Variants in GAS7 observed in about 807,000 individuals in gnomAD.
The protein encoded by GAS7 is growth arrest-specific protein 7.
In GAS7, 28 loss-of-function variants were observed where a neutral mutation model predicts 71.1. That is an observed-to-expected ratio of 0.39 (90% CI 0.29 to 0.54). The LOEUF (loss-of-function observed/expected upper bound fraction) is 0.54. GAS7 is among the 20% of genes least tolerant of loss of function. The probability of loss-of-function intolerance (pLI) is 0.62; values close to 1 mark genes in which losing one functional copy is unlikely to be tolerated. For missense variants in GAS7, 436 were observed against 627.8 expected (o/e 0.69, Z 3.27); for synonymous variants, 258 against 245.8 (o/e 1.05, Z -0.46).
Position 10,161,438 on chromosome 17 carries a change from G to C in GAS7, c.183+36770C>G, listed in dbSNP as rs151150854. Among the ~76,000 whole-genome samples, 46 of 152,314 alleles carry C rather than the reference G, an allele frequency of 3.0e-4. 1 individual carries two copies. Among genetic ancestry groups the C allele is most frequent in the East Asian group, 2.7e-3 (14 of 5,172 alleles). On this transcript the variant is annotated intron_variant, in intron 1 of 13. Transcript: ENST00000432992. Reference sequence around the variant, plus strand: ...TTCCCCAAAGAAAAATGGAAGTGTCGTTACCAGAAGAAGGAGAATCAGAGA... The same window carrying C: ...TTCCCCAAAGAAAAATGGAAGTGTCCTTACCAGAAGAAGGAGAATCAGAGA...
chr17:10,055,916 C>G (rs1257824356), intron 1 of GAS7, among the ~76,000 whole-genome samples: 1 of 152,098 alleles, frequency 6.6e-6, no homozygotes, highest in Non-Finnish European at 1.5e-5. Context: ...CTTTTTTTAA[C>G]TCCATCTCAA....
chr17:10,070,264 T>A lies in GAS7; in HGVS notation c.184-50367A>T, dbSNP rs1431272974. ...TTCGCCAACTTTTGTGGCCACTAAG[T>A]CCTGGGAATCATCCAGCCACCAGCC... On this transcript the variant is annotated intron_variant, in intron 1 of 13. Coordinates refer to ENST00000432992, the MANE Select transcript of GAS7 (RefSeq NM_201433.2). 9.9e-5 allele frequency among the ~76,000 whole-genome samples: 15 copies of A among 150,920 alleles called. No homozygotes were observed. In the East Asian group the frequency reaches 2.9e-3, roughly 30 times the overall value.
intron 3 of GAS7, among the ~76,000 whole-genome samples, chr17:9,977,246 A>T (rs561238404): frequency 5.3e-5 from 8 of 152,348 alleles, no homozygotes; most frequent in Non-Finnish European, 8.8e-5. Flanking sequence ...TACCAGCCCC[A>T]TTCAAGTACT....
intron 5 of GAS7, among the ~76,000 whole-genome samples, chr17:9,947,510 C>T (rs1394290828): frequency 3.9e-5 from 6 of 152,026 alleles, no homozygotes; most frequent in South Asian, 2.1e-4. Context: ...TTTGGGAGGC[C>T]GAGGCAGGCG....
At chr17:10,091,289 T>C (rs2073578820) in intron 1 of GAS7, among the ~76,000 whole-genome samples, 1 of 151,992 alleles carries the variant, frequency 6.6e-6, no homozygotes, top group South Asian at 2.1e-4. Flanking sequence ...CCTTTGGGGA[T>C]GATGAAAATG....
Position 9,926,525 on chromosome 17 carries a change from T to C in GAS7, c.1014+116A>G. The C allele has an allele frequency of 1.8e-6, 2 of 1,123,128 alleles. No individual in the cohort carries two copies. The highest frequency in any genetic ancestry group is 1.9e-5 in the Admixed American group (1 of 53,708). 69.6% of individuals were successfully genotyped at this position (1,123,128 alleles called of 1,614,324 possible). On this transcript the variant is annotated intron_variant, in intron 10 of 13. Coordinates refer to ENST00000432992, the MANE Select transcript of GAS7 (RefSeq NM_201433.2). The surrounding 1 kb of genome is among the most constrained non-coding windows in gnomAD (Gnocchi z 5.0). ...AGGCTTGGACATCCCCCTATTCCCCTACCTGGGGACAAAGACTCAGCCTTG... is the reference window on the plus strand; with the variant it reads ...AGGCTTGGACATCCCCCTATTCCCCCACCTGGGGACAAAGACTCAGCCTTG...
chr17:10,025,333 A>G (rs1169185598), intron 1 of GAS7, among the ~76,000 whole-genome samples: 1 of 151,964 alleles, frequency 6.6e-6, no homozygotes, highest in East Asian at 1.9e-4. Context: ...CTCCCCAGCT[A>G]CACCTACTCA....
intron 1 of GAS7, among the ~76,000 whole-genome samples, chr17:10,084,935 CCTCAGG>C (rs1180694860): frequency 6.6e-6 from 1 of 152,156 alleles, no homozygotes; most frequent in East Asian, 1.9e-4. Flanking sequence ...CCGATGGCCC[CCTCAGG>C]ACACTTCGTG....
rs1555615509 is a variant in GAS7 at position 9,998,699 on chromosome 17, A to AAAGGAAAAGGG, written c.305-16816_305-16815insCCCTTTTCCTT. On this transcript the variant is annotated intron_variant, in intron 2 of 13. Coordinates refer to ENST00000432992, the MANE Select transcript of GAS7 (RefSeq NM_201433.2). The stretch of plus-strand genomic sequence containing the variant: ...AGACAGAAAAGGAAAAGGAAAAGGA[A>AAAGGAAAAGGG]AAGGGAAGGGAAGGGAAGGAAAAGA... Among the ~76,000 whole-genome samples the AAAGGAAAAGGG allele has an allele frequency of 7.9e-4, 120 of 152,120 alleles. 1 individual carries two copies. The highest frequency in any genetic ancestry group is 2.8e-3 in the African/African-American group (115 of 41,494).
chr17:10,180,334 A>G (rs1243192746), intron 1 of GAS7, among the ~76,000 whole-genome samples: 2 of 150,896 alleles, frequency 1.3e-5, no homozygotes, highest in African/African-American at 4.9e-5. Flanking sequence ...TCTGCCTCAA[A>G]AAAAAAAAAA....
At chr17:10,132,081 C>T (rs1010229928) in intron 1 of GAS7, among the ~76,000 whole-genome samples, 1 of 152,200 alleles carries the variant, frequency 6.6e-6, no homozygotes, top group African/African-American at 2.4e-5. Flanking sequence ...AATACATGTA[C>T]TCGTGAAGGT....
At chr17:10,073,522 G>A (rs2073362146) in intron 1 of GAS7, among the ~76,000 whole-genome samples, 1 of 152,168 alleles carries the variant, frequency 6.6e-6, no homozygotes, top group Non-Finnish European at 1.5e-5. Context: ...TATATAAGAC[G>A]TGGTCCATAG....
chr17:9,930,062 C>T (rs1006583760), intron 9 of GAS7, among the ~76,000 whole-genome samples: 7 of 152,160 alleles, frequency 4.6e-5, no homozygotes, highest in African/African-American at 9.7e-5. Context: ...ATTTTTCAGA[C>T]GGTGTGCGGC....
chr17:9,982,947 A>T (rs1435768365), intron 2 of GAS7, among the ~76,000 whole-genome samples: 1 of 152,224 alleles, frequency 6.6e-6, no homozygotes, highest in East Asian at 1.9e-4. Context: ...TACCCATTTC[A>T]CTGCCATGAG....
intron 1 of GAS7, among the ~76,000 whole-genome samples, chr17:10,155,321 TAA>T (rs199957023): frequency 0.015 from 1,934 of 126,132 alleles, 31 homozygotes; most frequent in African/African-American, 0.058. Context: ...CGGCCACCAA[TAA>T]CTCTTTTTAA....
At chr17:10,189,224 C>A (rs527412782) in intron 1 of GAS7, among the ~76,000 whole-genome samples, 3 of 151,630 alleles carry the variant, frequency 2.0e-5, no homozygotes, top group Non-Finnish European at 4.4e-5. Flanking sequence ...TTACTCCCTC[C>A]GATCAACACA....
In GAS7 at chr17:9,981,973, G is replaced by T; in HGVS notation, c.305-89C>A. ...AGAGCAGAAGGAGATGCTCAGAGCTGGAGAAAAAGAGAGACAGCCAATCGC... is the reference window on the plus strand; with the variant it reads ...AGAGCAGAAGGAGATGCTCAGAGCTTGAGAAAAAGAGAGACAGCCAATCGC... On this transcript the variant is annotated intron_variant, in intron 2 of 13. Coordinates refer to ENST00000432992, the MANE Select transcript of GAS7 (RefSeq NM_201433.2). The surrounding 1 kb of genome is among the most constrained non-coding windows in gnomAD (Gnocchi z 4.4). 1.3e-6 allele frequency: 1 copy of T among 777,742 alleles called. No individual in the cohort carries two copies. The highest frequency in any genetic ancestry group is 2.3e-6 in the Non-Finnish European group (1 of 438,832). The allele number at this position is 777,742 out of a possible 1,614,324, so 48.2% of individuals were successfully genotyped here.
chr17:9,965,464 G>A (rs4479284), intron 4 of GAS7, among the ~76,000 whole-genome samples: 117,754 of 151,906 alleles, frequency 0.78, 46,214 homozygotes, highest in African/African-American at 0.88. Context: ...ATGAACAATG[G>A]GACCATATGG....
chr17:9,987,369 G>A (rs1252071492), intron 2 of GAS7, among the ~76,000 whole-genome samples: 1 of 152,254 alleles, frequency 6.6e-6, no homozygotes, highest in Non-Finnish European at 1.5e-5. Context: ...GAGACCCAGA[G>A]AGCCATATAC....
Sources: allele counts gnomAD v4.1 joint callset (sites outside exome capture counted in the v4.1 genomes callset), GRCh38; gene constraint gnomAD v4.1.1; non-coding constraint Gnocchi (gnomAD v3.1); transcripts MANE v1.5; gene names NCBI Gene and HGNC (gene_info 2026-07-23, HGNC 2026-07-21).